Variants in SYN3 observed in about 807,000 individuals in gnomAD.
SYN3 encodes the protein synapsin-3.
Under a neutral mutation model 65.8 loss-of-function variants are expected in SYN3, and 35 were observed. That is an observed-to-expected ratio of 0.53 (90% CI 0.41 to 0.70). SYN3 has a LOEUF of 0.70. SYN3 is among the 30% of genes least tolerant of loss of function. The pLI, the probability that SYN3 is intolerant of heterozygous loss-of-function variation, is 0.00. For synonymous variants in SYN3, 270 were observed against 292.9 expected (o/e 0.92, Z 0.80); for missense variants, 680 against 749.0 (o/e 0.91, Z 1.08).
At chr22:32,952,362 A>T (rs915214277) in intron 3 of SYN3, among the ~76,000 whole-genome samples, 3 of 152,088 alleles carry the variant, frequency 2.0e-5, no homozygotes, top group African/African-American at 7.2e-5. Flanking sequence ...GTCCAAATAA[A>T]TACAAAAACA....
intron 3 of SYN3, among the ~76,000 whole-genome samples, chr22:32,966,225 A>C (rs1034099510): frequency 1.3e-5 from 2 of 152,118 alleles, no homozygotes; most frequent in Admixed American, 6.5e-5. Flanking sequence ...CCCTGCCTGG[A>C]TGGAGGGGGA....
At chr22:32,525,689 C>T (rs533039429) in intron 12 of SYN3, among the ~76,000 whole-genome samples, 3 of 137,806 alleles carry the variant, frequency 2.2e-5, no homozygotes, top group Non-Finnish European at 3.0e-5. Context: ...CCAGCCTGGG[C>T]GACAAGGAGA....
chr22:32,608,439 A>G (rs543603743), intron 6 of SYN3, among the ~76,000 whole-genome samples: 6 of 152,366 alleles, frequency 3.9e-5, no homozygotes, highest in African/African-American at 1.4e-4. Flanking sequence ...TTGAATAACA[A>G]TTACTTCAGT....
chr22:32,518,503 A>G (rs1568996617), intron 12 of SYN3, 169 bp from the exon 13 acceptor site: 1 of 807,952 alleles, frequency 1.2e-6, no homozygotes, highest in South Asian at 1.5e-5. Flanking sequence ...AGGAACATTA[A>G]GATACATCTG....
intron 2 of SYN3, among the ~76,000 whole-genome samples, chr22:32,991,428 A>G (rs1003047015): frequency 2.0e-5 from 3 of 151,970 alleles, no homozygotes; most frequent in Admixed American, 6.6e-5. Flanking sequence ...TTGAAAATCA[A>G]TAACTCGACA....
chr22:32,581,792 CTTTTTTTTTTT>C (rs10716395), intron 7 of SYN3, among the ~76,000 whole-genome samples: 7 of 84,320 alleles, frequency 8.3e-5, no homozygotes, highest in African/African-American at 2.7e-4. Context: ...TTCTTTCTTT[CTTTTTTTTTTT>C]TTTTTTTTTT....
rs539885630 is a variant in SYN3, at chr22:32,903,573, C to T, written c.461+27817G>A. Among the ~76,000 whole-genome samples the T allele has an allele frequency of 1.8e-4, 28 of 152,302 alleles. No individual in the cohort carries two copies. The East Asian group carries it at 3.7e-3, about 20-fold the overall frequency. ...TCTCCAGGCCACAAGCCATGCGCTT[C>T]GCACATCAGCAGCAGCCTCCATAGC... is the stretch of plus-strand genomic sequence containing the variant. On this transcript the variant is annotated intron_variant, in intron 4 of 13. Transcript: ENST00000358763.
At chr22:32,860,391 A>G (rs1218693560) in intron 6 of SYN3, 2 of 152,670 alleles carry the variant, frequency 1.3e-5, no homozygotes, top group Non-Finnish European at 2.9e-5. Flanking sequence ...ACACATTTGC[A>G]TATACCCACA....
At chr22:32,883,029 G>T (rs5754325) in intron 4 of SYN3, among the ~76,000 whole-genome samples, 10 of 152,238 alleles carry the variant, frequency 6.6e-5, no homozygotes, top group African/African-American at 2.4e-4. Context: ...AACTCCACCA[G>T]CGAGTGGTGA....
At chr22:32,990,928 G>A (rs1254587660) in intron 2 of SYN3, among the ~76,000 whole-genome samples, 4 of 152,150 alleles carry the variant, frequency 2.6e-5, no homozygotes, top group African/African-American at 9.7e-5. Context: ...GCTCACGCCT[G>A]TAATCCCAGC....
At chr22:32,784,372 G>C (rs2046141309) in intron 6 of SYN3, among the ~76,000 whole-genome samples, 1 of 152,218 alleles carries the variant, frequency 6.6e-6, no homozygotes, top group South Asian at 2.1e-4. Flanking sequence ...GAAGAAGCAG[G>C]TTGCCGCATG....
chr22:32,623,603 A>G (rs1217964615), intron 6 of SYN3, among the ~76,000 whole-genome samples: 1 of 152,148 alleles, frequency 6.6e-6, no homozygotes, highest in Non-Finnish European at 1.5e-5. Flanking sequence ...GCAAACCTGG[A>G]TATGCTCCTG....
chr22:32,672,314 C>A (rs1366487037), intron 6 of SYN3, among the ~76,000 whole-genome samples: 4 of 152,132 alleles, frequency 2.6e-5, no homozygotes, highest in African/African-American at 9.7e-5. Context: ...CAAACATAGA[C>A]TATCTGGCAA....
chr22:32,578,079 A>C (rs985291746), intron 7 of SYN3, among the ~76,000 whole-genome samples: 2 of 152,220 alleles, frequency 1.3e-5, no homozygotes, highest in Non-Finnish European at 2.9e-5. Context: ...GGCATGTACA[A>C]AGTGCCTGGA....
chr22:32,941,474 C>A (rs573218781), intron 3 of SYN3, among the ~76,000 whole-genome samples: 1 of 152,264 alleles, frequency 6.6e-6, no homozygotes, highest in East Asian at 1.9e-4. Context: ...GGGCCGGTTC[C>A]AAGATGGCTG....
intron 6 of SYN3, among the ~76,000 whole-genome samples, chr22:32,728,121 C>G (rs573811743): frequency 6.6e-6 from 1 of 152,170 alleles, no homozygotes; most frequent in Non-Finnish European, 1.5e-5. Flanking sequence ...ATGTAAAACC[C>G]AAAACTATAA....
chr22:32,602,240 A>G (rs2059295005), intron 6 of SYN3, among the ~76,000 whole-genome samples: 1 of 152,128 alleles, frequency 6.6e-6, no homozygotes, highest in Non-Finnish European at 1.5e-5. Context: ...TCTCCAGACC[A>G]GGTAACTAAT....
intron 1 of SYN3, among the ~76,000 whole-genome samples, chr22:33,045,014 T>C (rs968469488): frequency 3.3e-5 from 5 of 152,110 alleles, no homozygotes; most frequent in South Asian, 2.1e-4. Flanking sequence ...GGCTAATTTT[T>C]GTACTTTTAG....
At chr22:33,006,303 A>G (rs762688320) in intron 2 of SYN3, 49 bp downstream of exon 2, 58 of 1,524,536 alleles carry the variant, frequency 3.8e-5, no homozygotes, top group Middle Eastern at 3.5e-4. Flanking sequence ...GATAATCCCC[A>G]CTCCTCTCTT....
Sources: gnomAD v4.1 joint callset for allele counts (sites outside exome capture counted in the v4.1 genomes callset) on GRCh38, gnomAD v4.1.1 for gene constraint, MANE v1.5 for transcripts, NCBI Gene and HGNC (gene_info 2026-07-23, HGNC 2026-07-21) for gene names.